UBE2H: variants seen among roughly 807,000 people sequenced by gnomAD.
UBE2H encodes ubiquitin conjugating enzyme E2 H, also known as ubiquitin-conjugating enzyme E2 H.
A neutral mutation model predicts 29.0 loss-of-function variants in UBE2H; 3 were observed. That is an observed-to-expected ratio of 0.10 (90% CI 0.05 to 0.27). The LOEUF (loss-of-function observed/expected upper bound fraction) is 0.27, where lower values mean the gene tolerates loss of function less well. UBE2H is among the 10% of genes least tolerant of loss of function. The pLI, the probability that UBE2H is intolerant of heterozygous loss-of-function variation, is 1.00. For synonymous variants in UBE2H, 69 were observed against 82.9 expected (o/e 0.83, Z 0.91); for missense variants, 68 against 228.2 (o/e 0.30, Z 4.52).
At chr7:129,929,216 C>G (rs917017318) in intron 1 of UBE2H, among the ~76,000 whole-genome samples, 1 of 151,814 alleles carries the variant, frequency 6.6e-6, no homozygotes, top group East Asian at 1.9e-4. Flanking sequence ...ACTTGGGGGG[C>G]CGAGGCAGGA....
chr7:129,937,027 G>C (rs1381023835), intron 1 of UBE2H, among the ~76,000 whole-genome samples: 1 of 150,170 alleles, frequency 6.7e-6, no homozygotes, highest in African/African-American at 2.5e-5. Flanking sequence ...ACACAGACTT[G>C]AAAACATACA....
Position 129,901,307 on chromosome 7 carries a change from G to A in UBE2H, c.54-20336C>T, listed in dbSNP as rs113486456. ...GCAGTCTAGTTCAAGTCTGTTCTTT[G>A]AGCCACCCTATTTGCCTCTCTCTAT... On this transcript the variant is annotated intron_variant, in intron 1 of 6. Coordinates refer to ENST00000355621, the MANE Select transcript of UBE2H (RefSeq NM_003344.4). Among the ~76,000 whole-genome samples, 286 of 152,228 alleles carry A rather than the reference G, an allele frequency of 1.9e-3. 1 individual carries two copies. Among genetic ancestry groups the A allele is most frequent in the African/African-American group, 6.5e-3 (272 of 41,554 alleles).
chr7:129,836,573 A>T (rs1304469971), intron 6 of UBE2H, among the ~76,000 whole-genome samples: 1 of 152,190 alleles, frequency 6.6e-6, no homozygotes, highest in African/African-American at 2.4e-5. Flanking sequence ...TGGGATGTTT[A>T]AACACAACCT....
At chr7:129,934,388 A>G (rs1807472282) in intron 1 of UBE2H, among the ~76,000 whole-genome samples, 1 of 152,100 alleles carries the variant, frequency 6.6e-6, no homozygotes, top group South Asian at 2.1e-4. Flanking sequence ...CTATAATCTC[A>G]GCACTTTGGG....
intron 1 of UBE2H, among the ~76,000 whole-genome samples, chr7:129,887,065 T>C (rs955337482): frequency 2.0e-5 from 3 of 152,116 alleles, no homozygotes; most frequent in African/African-American, 7.2e-5. Flanking sequence ...ATTTTTGTTT[T>C]ACATTTAAGT....
intron 1 of UBE2H, among the ~76,000 whole-genome samples, chr7:129,884,920 G>C (rs562836762): frequency 1.6e-4 from 24 of 152,184 alleles, no homozygotes; most frequent in African/African-American, 5.5e-4. Context: ...ACAATAGGTG[G>C]CTGGCTGCAC....
At position 129,833,459 on chromosome 7, in the gene UBE2H, T is replaced by G. The variant is rs953539515; in HGVS notation, c.*1478A>C. 4 of 152,208 alleles carry G rather than the reference T, an allele frequency of 2.6e-5. No homozygotes were observed. Among genetic ancestry groups the G allele is most frequent in the Non-Finnish European group, 5.9e-5 (4 of 68,034 alleles). The allele number at this position is 152,208 out of a possible 1,614,324, so 9.4% of individuals were successfully genotyped here. A position where few individuals can be genotyped will look rare whatever the true frequency, so the allele number is the denominator to read the frequency against. ...GAACACAGAGCTGCTGTCTAAAATT[T>G]CTCCAAACTCCCCTCCGAGTTCAGC... On this transcript the variant is annotated 3_prime_UTR_variant, in exon 7 of 7. Coordinates refer to ENST00000355621, the MANE Select transcript of UBE2H (RefSeq NM_003344.4).
intron 3 of UBE2H, among the ~76,000 whole-genome samples, chr7:129,861,570 A>G (rs1216622573): frequency 6.6e-6 from 1 of 152,094 alleles, no homozygotes; most frequent in Admixed American, 6.6e-5. Context: ...TTAATAGTTG[A>G]GCTTAAAAAA....
intron 1 of UBE2H, among the ~76,000 whole-genome samples, chr7:129,940,319 G>T (rs1414849119): frequency 1.3e-5 from 2 of 152,164 alleles, no homozygotes; most frequent in African/African-American, 4.8e-5. Context: ...TGGTTTAAAA[G>T]TTAGAAACCA....
chr7:129,882,873 A>G (rs756600454), intron 1 of UBE2H, among the ~76,000 whole-genome samples: 2 of 152,262 alleles, frequency 1.3e-5, no homozygotes, highest in Non-Finnish European at 2.9e-5. Flanking sequence ...AAATATCAAC[A>G]ATACAGCCCT....
At chr7:129,881,723 C>T (rs1196044417) in intron 1 of UBE2H, among the ~76,000 whole-genome samples, 1 of 152,082 alleles carries the variant, frequency 6.6e-6, no homozygotes, top group Non-Finnish European at 1.5e-5. Context: ...CCCTCTCCTC[C>T]TCAATCTATC....
At chr7:129,934,976 T>C (rs984563649) in intron 1 of UBE2H, among the ~76,000 whole-genome samples, 2 of 151,108 alleles carry the variant, frequency 1.3e-5, no homozygotes, top group Non-Finnish European at 2.9e-5. Context: ...TGTGTATATA[T>C]GTGTGTGTAT....
At chr7:129,937,077 C>A (rs888915858) in intron 1 of UBE2H, among the ~76,000 whole-genome samples, 2 of 152,070 alleles carry the variant, frequency 1.3e-5, no homozygotes, top group African/African-American at 4.8e-5. Context: ...CGCCTGTAGT[C>A]CCAGCACTCT....
chr7:129,946,124 C>T (rs1235629857), intron 1 of UBE2H, among the ~76,000 whole-genome samples: 2 of 151,374 alleles, frequency 1.3e-5, no homozygotes. Context: ...GCTATCTCTG[C>T]TCACTGCAAG....
At chr7:129,856,671 C>T (rs1335555390) in intron 5 of UBE2H, among the ~76,000 whole-genome samples, 8 of 152,082 alleles carry the variant, frequency 5.3e-5, no homozygotes, top group African/African-American at 1.9e-4. Context: ...TTTGTTGTAT[C>T]CCTAATTAAC....
At chr7:129,874,732 G>T (rs1230192539) in intron 3 of UBE2H, among the ~76,000 whole-genome samples, 6 of 152,040 alleles carry the variant, frequency 3.9e-5, no homozygotes, top group Admixed American at 3.9e-4. Flanking sequence ...AGAGAAAAAT[G>T]CAACAACGGA....
intron 1 of UBE2H, among the ~76,000 whole-genome samples, chr7:129,924,944 C>T (rs1442628669): frequency 6.6e-6 from 1 of 151,424 alleles, no homozygotes; most frequent in African/African-American, 2.4e-5. Flanking sequence ...ACAAGCTAAA[C>T]TATGAATAAA....
rs762894384 is a variant in UBE2H at position 129,880,947 on chromosome 7, C to G, written c.78G>C (p.Thr26=). The G allele has an allele frequency of 5.6e-6, 9 of 1,613,664 alleles. No individual in the cohort carries two copies. The highest frequency in any genetic ancestry group is 7.6e-6 in the Non-Finnish European group (9 of 1,179,844). ...VKLIESKHEV[T]ILGGLNEFVV... Reference sequence around the variant, plus strand: ...CAAATTCATTAAGTCCTCCCAGGATCGTAACCTCATGTTTACTCTCGATGC... The same window carrying G: ...CAAATTCATTAAGTCCTCCCAGGATGGTAACCTCATGTTTACTCTCGATGC... The change falls in exon 2 of 7, where the codon ACG becomes ACC. Residue 26 remains threonine, a synonymous_variant. Transcript: ENST00000355621.
At chr7:129,946,300 T>G (rs905410387) in intron 1 of UBE2H, among the ~76,000 whole-genome samples, 7 of 151,928 alleles carry the variant, frequency 4.6e-5, no homozygotes, top group African/African-American at 1.7e-4. Flanking sequence ...ACCTCATGAT[T>G]TGTCTGCCTC....
Sources: allele counts gnomAD v4.1 joint callset (sites outside exome capture counted in the v4.1 genomes callset), GRCh38; gene constraint gnomAD v4.1.1; transcripts MANE v1.5; gene names NCBI Gene and HGNC (gene_info 2026-07-23, HGNC 2026-07-21).